Variants in HCN2 observed in about 807,000 individuals in gnomAD.
The protein encoded by HCN2 is hyperpolarization activated cyclic nucleotide gated potassium and sodium channel 2, also known as potassium/sodium hyperpolarization-activated cyclic nucleotide-gated channel 2.
HCN2 carries 20 observed loss-of-function variants against 52.3 expected under a neutral mutation model. That is an observed-to-expected ratio of 0.38 (90% confidence interval 0.27 to 0.56). HCN2 has a LOEUF of 0.56. Ranked by LOEUF, HCN2 falls within the 20% of genes least tolerant of loss-of-function variation. The pLI, the probability that HCN2 is intolerant of heterozygous loss-of-function variation, is 0.71. For synonymous variants in HCN2, 694 were observed against 537.0 expected (o/e 1.29, Z -4.04); for missense variants, 981 against 1,207.7 (o/e 0.81, Z 2.78).
At chr19:601,776 C>G (rs1983210454) in intron 1 of HCN2, among the ~76,000 whole-genome samples, 1 of 150,776 alleles carries the variant, frequency 6.6e-6, no homozygotes, top group Admixed American at 6.6e-5. Flanking sequence ...CATTTGCTGA[C>G]CCTCTATGAC....
chr19:615,262 C>T (rs62132646), intron 7 of HCN2, among the ~76,000 whole-genome samples: 20,165 of 152,124 alleles, frequency 0.13, 1,693 homozygotes, highest in Non-Finnish European at 0.19. Flanking sequence ...GTAGTCCCAG[C>T]ACTTTCGGAG....
chr19:613,805 G>C (rs1342628146), intron 6 of HCN2, 47 bp from the exon 7 acceptor site: 1 of 1,451,594 alleles, frequency 6.9e-7, no homozygotes, highest in South Asian at 1.5e-5. Context: ...GGGGAGGGCC[G>C]CGGCGCCCGC....
rs1471314659 is a variant in HCN2, at chr19:616,687, C to T, written c.*213C>T. The T allele has an allele frequency of 2.2e-5, 5 of 228,208 alleles. No individual in the cohort carries two copies. The highest frequency in any genetic ancestry group is 2.5e-5 in the Non-Finnish European group (3 of 118,754). 14.1% of individuals were successfully genotyped at this position (228,208 alleles called of 1,614,324 possible). A position where few individuals can be genotyped will look rare whatever the true frequency, so the allele number is the denominator to read the frequency against. ...CTCATCGCCCCGCGCCCACCCCCAT[C>T]GCCCCTGCCCCCGGCGGCGGCCTCG... On this transcript the variant is annotated 3_prime_UTR_variant, in exon 8 of 8. Transcript: ENST00000251287.
intron 3 of HCN2, among the ~76,000 whole-genome samples, chr19:606,627 C>T (rs4555275): frequency 0.44 from 65,589 of 150,664 alleles, 14,580 homozygotes; most frequent in East Asian, 0.61. Context: ...CTGAGGCAGG[C>T]GGATCACCTG....
chr19:613,478 C>T lies in HCN2; in HGVS notation c.1815C>T (p.Ser605=), dbSNP rs759126557. The change falls in exon 6 of 8, where the codon TCC becomes TCT. Residue 605 remains serine, a synonymous_variant. Transcript: ENST00000251287. ...AGGAGATGAAGCTGTCCGATGGCTCCTACTTCGGGGGTGAGCTTGAGGGGG... is the reference window on the plus strand; with the variant it reads ...AGGAGATGAAGCTGTCCGATGGCTCTTACTTCGGGGGTGAGCTTGAGGGGG... ...GNKEMKLSDG[S]YFGEICLLTR... 4 of 1,584,768 alleles carry T rather than the reference C, an allele frequency of 2.5e-6. No individual in the cohort carries two copies. The highest frequency in any genetic ancestry group is 3.4e-6 in the Non-Finnish European group (4 of 1,163,618).
chr19:597,506 TC>T (rs571703663), intron 1 of HCN2, among the ~76,000 whole-genome samples: 1 of 150,884 alleles, frequency 6.6e-6, no homozygotes, highest in African/African-American at 2.5e-5. Flanking sequence ...GGTTTCTAGG[TC>T]CCCCTTGACA....
chr19:610,550 T>G (rs965159873), intron 5 of HCN2, 145 bp downstream of exon 5: 28 of 666,246 alleles, frequency 4.2e-5, no homozygotes, highest in Non-Finnish European at 6.9e-5. Context: ...GTACACACCC[T>G]CCCCTCCCCG....
intron 3 of HCN2, among the ~76,000 whole-genome samples, chr19:605,935 T>A (rs1276789366): frequency 6.6e-6 from 1 of 152,170 alleles, no homozygotes; most frequent in Non-Finnish European, 1.5e-5. Flanking sequence ...GGCCCCTTAA[T>A]GTCCCTGGGG....
In HCN2 at chr19:595,358, C is replaced by G. The variant is rs367938845; in HGVS notation, c.632+4781C>G. Among the ~76,000 whole-genome samples, 384 of 152,044 alleles carry G rather than the reference C, an allele frequency of 2.5e-3. 2 individuals are homozygous for G. The highest frequency in any genetic ancestry group is 8.2e-3 in the African/African-American group (338 of 41,450). ...CTCCTGCCAGATGCCTCCCCGTCCC[C>G]CTTTCTGGCCTCCCGGCTGTCAGCA... is the stretch of plus-strand genomic sequence containing the variant. On this transcript the variant is annotated intron_variant, in intron 1 of 7. Transcript: ENST00000251287.
At chr19:605,002 C>A in intron 2 of HCN2, 59 bp from the exon 3 acceptor site, 1 of 1,498,044 alleles carries the variant, frequency 6.7e-7, no homozygotes, top group South Asian at 1.2e-5. Context: ...GGGGCTGGGG[C>A]TCTGAAGGTG....
intron 1 of HCN2, among the ~76,000 whole-genome samples, chr19:594,793 C>T (rs1204732886): frequency 6.6e-6 from 1 of 152,098 alleles, no homozygotes; most frequent in Non-Finnish European, 1.5e-5. Context: ...GTGCATGGAC[C>T]CATATCCCAG....
Position 613,292 on chromosome 19 carries a change from G to A in HCN2, c.1629G>A (p.Pro543=), listed in dbSNP as rs1196170427. The A allele has an allele frequency of 1.9e-6, 3 of 1,612,660 alleles. No individual in the cohort carries two copies. Among genetic ancestry groups the A allele is most frequent in the African/African-American group, 2.7e-5 (2 of 74,844 alleles). Residue 543 remains proline (P), a synonymous_variant, in exon 6 of 8, where the codon CCG becomes CCA. Transcript: ENST00000251287. ...GCCGGAAGCTGGTGGCCTCCATGCC[G>A]CTGTTCGCCAACGCCGACCCCAACT... ...FNCRKLVASM[P]LFANADPNFV... is the part of the protein sequence containing the mutation.
chr19:603,066 C>T (rs113967234), intron 1 of HCN2, among the ~76,000 whole-genome samples: 752 of 54,286 alleles, frequency 0.014, no homozygotes, highest in Middle Eastern at 0.05. Context: ...GGCACCCTCG[C>T]CCCCCAGGGA....
rs1301363637 is a variant in HCN2, at chr19:613,243, T to G, written c.1585-5T>G. The G allele has an allele frequency of 6.2e-7, 1 of 1,609,422 alleles. No individual in the cohort carries two copies. On this transcript the variant is annotated splice_polypyrimidine_tract_variant and splice_region_variant and intron_variant, in intron 5 of 7. Transcript: ENST00000251287. Reference sequence around the variant, plus strand: ...AGCGGACCCAGCCCTGCCTCCCCCCTGCAGGAGATCGTCAACTTCAACTGC... The same window carrying G: ...AGCGGACCCAGCCCTGCCTCCCCCCGGCAGGAGATCGTCAACTTCAACTGC...
At chr19:602,642 C>T (rs181060212) in intron 1 of HCN2, among the ~76,000 whole-genome samples, 1 of 152,354 alleles carries the variant, frequency 6.6e-6, no homozygotes, top group Admixed American at 6.5e-5. Flanking sequence ...TTCCCAGTGC[C>T]CCTCTGCACC....
intron 5 of HCN2, among the ~76,000 whole-genome samples, 155 bp downstream of exon 5, chr19:610,560 G>GT (rs1983585840): frequency 2.6e-5 from 4 of 151,986 alleles, no homozygotes; most frequent in Admixed American, 2.0e-4. Context: ...TCCCCTCCCC[G>GT]CCCCGTGAGC....
intron 1 of HCN2, among the ~76,000 whole-genome samples, chr19:601,617 C>T (rs569534523): frequency 2.4e-4 from 36 of 152,084 alleles, no homozygotes; most frequent in South Asian, 4.2e-4. Flanking sequence ...GGTGCTCGTC[C>T]GTCCTTGTTT....
rs769711647 is a variant in HCN2, at chr19:613,271, G to A, written c.1608G>A (p.Arg536=). ...LREEIVNFNC[R]KLVASMPLFA... ...AGGAGATCGTCAACTTCAACTGCCG[G>A]AAGCTGGTGGCCTCCATGCCGCTGT... Residue 536 remains arginine (R), a synonymous_variant, in exon 6 of 8, where the codon CGG becomes CGA. Coordinates refer to ENST00000251287, the MANE Select transcript of HCN2 (RefSeq NM_001194.4). 7 of 1,612,536 alleles carry A rather than the reference G, an allele frequency of 4.3e-6. No homozygotes were observed. The highest frequency in any genetic ancestry group is 5.9e-6 in the Non-Finnish European group (7 of 1,179,798).
intron 1 of HCN2, among the ~76,000 whole-genome samples, chr19:595,274 G>A (rs1408573302): frequency 6.6e-6 from 1 of 151,570 alleles, no homozygotes; most frequent in Non-Finnish European, 1.5e-5. Flanking sequence ...CTTGGGCCGG[G>A]CCCTGCCTCA....
Sources: gnomAD v4.1 joint callset for allele counts (sites outside exome capture counted in the v4.1 genomes callset) on GRCh38, gnomAD v4.1.1 for gene constraint, MANE v1.5 for transcripts, NCBI Gene and HGNC (gene_info 2026-07-23, HGNC 2026-07-21) for gene names.